Variants in F8 observed in about 807,000 individuals in gnomAD.
F8 encodes the protein coagulation factor VIII.
F8 carries 12 observed loss-of-function variants against 140.6 expected under a neutral mutation model. The ratio of observed to expected loss-of-function variants is 0.09; its 90% CI spans 0.05 to 0.14. The LOEUF (loss-of-function observed/expected upper bound fraction) is 0.14, where lower values mean the gene tolerates loss of function less well. F8 is among the 10% of genes least tolerant of loss of function. F8 has a pLI of 1.00. For synonymous variants in F8, 585 were observed against 614.6 expected (o/e 0.95, Z 0.71); for missense variants, 1,354 against 1,720.7 (o/e 0.79, Z 3.77).
At chrX:154,996,849 T>C (rs59127487) in intron 3 of F8, 124 bp downstream of exon 3, 1 of 777,859 alleles carries the variant, frequency 1.3e-6, no homozygotes, top group African/African-American at 2.1e-5. Flanking sequence ...CTAGTAAATG[T>C]TAAGAAATAC....
chrX:154,930,246 G>C lies in F8; in HGVS notation c.3544C>G (p.Leu1182Val). The change falls in exon 14 of 26, where the codon CTC becomes GTC. Residue 1182 changes from leucine (L) to valine (V), a missense_variant. Physicochemically the swap from Leu to Val is conservative, Grantham distance 32. This residue lies in a region of F8 where 658 missense variants were observed against 666.5 expected (regional missense o/e 0.99). Coordinates refer to ENST00000360256, the MANE Select transcript of F8 (RefSeq NM_000132.4). ...CTGCTTGGAAAAACCATCTCTTTGA[G>C]TCCTACGTCCTTTGTAAATTCACCC... The part of the protein sequence containing the change: ...GKGEFTKDVG[L>V]KEMVFPSSRN... 1 of 1,209,415 alleles carries C rather than the reference G, an allele frequency of 8.3e-7. No homozygotes were observed. Among genetic ancestry groups the C allele is most frequent in the Non-Finnish European group, 1.1e-6 (1 of 894,190 alleles).
chrX:154,976,556 T>C (rs1415808718), intron 6 of F8, among the ~76,000 whole-genome samples: 5 of 110,189 alleles, frequency 4.5e-5, no homozygotes, highest in Non-Finnish European at 7.6e-5. Flanking sequence ...GTATATCTCC[T>C]AATGCTATCC....
In F8 at chrX:154,837,530, G is replaced by T; in HGVS notation, c.*67C>A. 1 of 1,134,020 alleles carries T rather than the reference G, an allele frequency of 8.8e-7. No individual in the cohort carries two copies. Among genetic ancestry groups the T allele is most frequent in the Non-Finnish European group, 1.2e-6 (1 of 840,718 alleles). The allele number at this position is 1,134,020 out of a possible 1,213,427, so 93.5% of individuals were successfully genotyped here. On this transcript the variant is annotated 3_prime_UTR_variant, in exon 26 of 26. Coordinates refer to ENST00000360256, the MANE Select transcript of F8 (RefSeq NM_000132.4). ...GCACAAAGGTAGAAGGCAAGCCAGGGAGGGACACTGCCCTGGAGCTGAGGA... is the reference window on the plus strand; with the variant it reads ...GCACAAAGGTAGAAGGCAAGCCAGGTAGGGACACTGCCCTGGAGCTGAGGA...
intron 13 of F8, among the ~76,000 whole-genome samples, chrX:154,934,901 T>C (rs1295071663): frequency 8.9e-6 from 1 of 111,748 alleles, no homozygotes; most frequent in Non-Finnish European, 1.9e-5. Flanking sequence ...CAGTGGCTCA[T>C]ACTGGTAATC....
intron 1 of F8, among the ~76,000 whole-genome samples, chrX:155,010,000 T>A (rs1431216883): frequency 1.8e-5 from 2 of 111,751 alleles, no homozygotes; most frequent in Non-Finnish European, 3.8e-5. Flanking sequence ...TCAAAGGGAA[T>A]AACTAGATGT....
rs782036903 is a variant in F8, at chrX:154,876,270, C to T, written c.6430-13043G>A. Among the ~76,000 whole-genome samples, 10 of 109,728 alleles carry T rather than the reference C, an allele frequency of 9.1e-5. No homozygotes were observed. The South Asian group carries it at 4.0e-3, about 44-fold the overall frequency. ...GAGTAGCTGGGACTACAGGCGCCCA[C>T]CACCACACCCAGCTAATGTTTTGTA... On this transcript the variant is annotated intron_variant, in intron 22 of 25. Coordinates refer to ENST00000360256, the MANE Select transcript of F8 (RefSeq NM_000132.4).
rs1800292 is a variant in F8, at chrX:154,929,926, T to G, written c.3864A>C (p.Ser1288=). 127,617 of 1,209,232 alleles carry G rather than the reference T, an allele frequency of 0.11. 5,747 individuals carry two copies. Among genetic ancestry groups the G allele is most frequent in the South Asian group, 0.34 (19,313 of 56,731 alleles). The change falls in exon 14 of 26, where the codon TCA becomes TCC. Residue 1288 remains serine (S), a synonymous_variant. Coordinates refer to ENST00000360256, the MANE Select transcript of F8 (RefSeq NM_000132.4). ...NRTKKHTAHF[S]KKGEEENLEG... ...CCAAGTTTTCTTCCTCCCCTTTTTT[T>G]GAGAAATGAGCTGTGTGTTTCTTTG...
chrX:154,987,294 T>C lies in F8; in HGVS notation c.613A>G (p.Lys205Glu), dbSNP rs1557284312. Reference protein sequence around the residue: ...LLVCREGSLAKEKTQTLHKFI... With the variant: ...LLVCREGSLAEEKTQTLHKFI... ...TTGTGCAAGGTCTGTGTCTTTTCCTTGGCCAGACTCCCTGAAAAAGAAGTG... is the reference window on the plus strand; with the variant it reads ...TTGTGCAAGGTCTGTGTCTTTTCCTCGGCCAGACTCCCTGAAAAAGAAGTG... Residue 205 changes from lysine (K) to glutamate (E), a missense_variant, in exon 5 of 26, where the codon AAG (lysine) becomes GAG (glutamate). Around this residue, in one of 4 missense-constraint regions of F8, gnomAD observed 128 missense variants for 230.4 expected, o/e 0.56. Transcript: ENST00000360256. 8.3e-7 allele frequency: 1 copy of C among 1,208,994 alleles called. No individual in the cohort carries two copies. The highest frequency in any genetic ancestry group is 1.1e-6 in the Non-Finnish European group (1 of 892,955).
chrX:154,863,281 A>G (rs1466615599), intron 22 of F8, 54 bp from the exon 23 acceptor site: 1 of 1,077,360 alleles, frequency 9.3e-7, no homozygotes, highest in East Asian at 3.0e-5. Flanking sequence ...AGTAAAAAGC[A>G]ATTTCTGTCA....
intron 21 of F8, chrX:154,897,746 T>C (rs1316491946): frequency 8.9e-6 from 1 of 112,713 alleles, no homozygotes; most frequent in Admixed American, 9.4e-5. Flanking sequence ...GAGTTCTTTC[T>C]TGGACCAGTG....
chrX:154,870,516 T>C (rs1194343715), intron 22 of F8, among the ~76,000 whole-genome samples: 3 of 111,690 alleles, frequency 2.7e-5, no homozygotes, highest in African/African-American at 9.8e-5. Flanking sequence ...CTAAAAACTC[T>C]CAATAAACTA....
At chrX:154,904,127 T>C (rs2073024759) in intron 17 of F8, 39 bp from the exon 18 acceptor site, 1 of 1,195,626 alleles carries the variant, frequency 8.4e-7, no homozygotes, top group South Asian at 1.8e-5. Context: ...AAATCTATTA[T>C]ATAAGTTTCT....
At chrX:154,838,540 G>C (rs1031117957) in intron 25 of F8, among the ~76,000 whole-genome samples, 21 of 111,938 alleles carry the variant, frequency 1.9e-4, no homozygotes, top group Non-Finnish European at 3.0e-4. Flanking sequence ...GCTCTTGCAA[G>C]GACAGACAGA....
Position 154,947,691 on chromosome X carries a change from A to C in F8, c.2113+7T>G. 1 of 1,200,274 alleles carries C rather than the reference A, an allele frequency of 8.3e-7. No homozygotes were observed. Among genetic ancestry groups the C allele is most frequent in the Admixed American group, 2.2e-5 (1 of 46,030 alleles). On this transcript the variant is annotated splice_region_variant and intron_variant, in intron 13 of 25. Coordinates refer to ENST00000360256, the MANE Select transcript of F8 (RefSeq NM_000132.4). ...GCTGTTGGTACAAGAAAAATATAAT[A>C]ACTAACCTGGGTTTTCCATCGACAT...
intron 18 of F8, 85 bp from the exon 19 acceptor site, chrX:154,902,252 G>A: frequency 2.8e-6 from 2 of 715,491 alleles, no homozygotes; most frequent in Admixed American, 2.2e-5. Context: ...AAATATCAGA[G>A]TAGACCTACC....
chrX:154,936,463 C>T (rs782043930), intron 13 of F8, among the ~76,000 whole-genome samples: 17 of 111,817 alleles, frequency 1.5e-4, no homozygotes, highest in South Asian at 3.7e-4. Flanking sequence ...ACAATGCAGA[C>T]GTTTAAGGCA....
chrX:155,013,145 C>CAAAAAAAA (rs34940593), intron 1 of F8, among the ~76,000 whole-genome samples: 2 of 34,030 alleles, frequency 5.9e-5, no homozygotes, highest in African/African-American at 2.3e-4. Flanking sequence ...GACTCCGTCT[C>CAAAAAAAA]AAAAAAAAAA....
chrX:154,872,976 A>T (rs2072786078), intron 22 of F8, among the ~76,000 whole-genome samples: 1 of 111,631 alleles, frequency 9.0e-6, no homozygotes, highest in Non-Finnish European at 1.9e-5. Context: ...ACTTAACCAA[A>T]GAAATGAAAG....
chrX:154,838,339 C>T (rs1557271105), intron 25 of F8, among the ~76,000 whole-genome samples: 1 of 111,694 alleles, frequency 9.0e-6, no homozygotes, highest in African/African-American at 3.3e-5. Context: ...TCACCTATAA[C>T]TGGGTGGATG....
Sources: allele counts gnomAD v4.1 joint callset (sites outside exome capture counted in the v4.1 genomes callset), GRCh38; gene constraint gnomAD v4.1.1; regional missense constraint gnomAD v4.1.1; transcripts MANE v1.5; gene names NCBI Gene and HGNC (gene_info 2026-07-23, HGNC 2026-07-21).